ZMYND11: variants seen among roughly 807,000 people sequenced by gnomAD.
ZMYND11 encodes zinc finger MYND domain-containing protein 11.
In ZMYND11, 9 loss-of-function variants were observed where a neutral mutation model predicts 84.9. That is an observed-to-expected ratio of 0.11 (90% confidence interval 0.06 to 0.18). ZMYND11 has a LOEUF of 0.18. ZMYND11 is among the 10% of genes least tolerant of loss of function. The pLI is 1.00. For missense variants in ZMYND11, 409 were observed against 761.0 expected (o/e 0.54, Z 5.44); for synonymous variants, 250 against 244.1 (o/e 1.02, Z -0.23).
intron 1 of ZMYND11, among the ~76,000 whole-genome samples, chr10:160,826 G>A (rs1442124631): frequency 2.6e-5 from 4 of 152,022 alleles, no homozygotes; most frequent in African/African-American, 9.7e-5. Flanking sequence ...TCTAATTCTA[G>A]GGCTCCTCCC....
intron 1 of ZMYND11, among the ~76,000 whole-genome samples, chr10:177,314 T>G (rs1250234261): frequency 1.3e-5 from 2 of 152,182 alleles, no homozygotes; most frequent in Non-Finnish European, 2.9e-5. Context: ...TGGATTTGTC[T>G]TTCCCTGGCA....
chr10:214,047 G>T (rs1415158771), intron 3 of ZMYND11, among the ~76,000 whole-genome samples: 1 of 152,060 alleles, frequency 6.6e-6, no homozygotes, highest in African/African-American at 2.4e-5. Flanking sequence ...TGACCGCATG[G>T]TGCTGAGATT....
Position 245,480 on chromosome 10 carries a change from A to G in ZMYND11, c.951-1286A>G, listed in dbSNP as rs113351004. On this transcript the variant is annotated intron_variant, in intron 10 of 14. Transcript: ENST00000381604. ...AGGGATGAAAACTGTGATATCATATATACTTATAGCAGGAAAAAATCTTTA... is the reference window on the plus strand; with the variant it reads ...AGGGATGAAAACTGTGATATCATATGTACTTATAGCAGGAAAAAATCTTTA... Among the ~76,000 whole-genome samples the G allele has an allele frequency of 1.4e-3, 219 of 152,310 alleles. 2 individuals carry two copies. The highest frequency in any genetic ancestry group is 5.1e-3 in the African/African-American group (212 of 41,576).
At chr10:134,681 C>T (rs545704944), upstream of ZMYND11, 321 of 152,366 alleles carry the variant, frequency 2.1e-3, 3 homozygotes, top group African/African-American at 7.6e-3. Flanking sequence ...CCCCGCGAGC[C>T]AGGGGCAGGC....
At chr10:169,553 G>A (rs782387373) in intron 1 of ZMYND11, among the ~76,000 whole-genome samples, 21 of 152,096 alleles carry the variant, frequency 1.4e-4, no homozygotes, top group Non-Finnish European at 2.6e-4. Flanking sequence ...CAAAACATGG[G>A]CAACAAGAAT....
At chr10:206,450 TGA>T (rs1473370791) in intron 2 of ZMYND11, among the ~76,000 whole-genome samples, 1 of 152,258 alleles carries the variant, frequency 6.6e-6, no homozygotes, top group Admixed American at 6.5e-5. Flanking sequence ...TTTTGTGAAC[TGA>T]GAGAATTGAA....
chr10:187,532 G>A (rs897515505), intron 2 of ZMYND11, among the ~76,000 whole-genome samples: 1 of 151,974 alleles, frequency 6.6e-6, no homozygotes, highest in African/African-American at 2.4e-5. Flanking sequence ...TACTCGGGAG[G>A]CTGAGGCAGG....
chr10:190,445 A>G (rs1229133827), intron 2 of ZMYND11, among the ~76,000 whole-genome samples: 1 of 152,134 alleles, frequency 6.6e-6, no homozygotes, highest in Admixed American at 6.5e-5. Flanking sequence ...AGGCCCTCAG[A>G]TCTGCGTTTC....
At chr10:224,228 T>C (rs1947683606) in intron 4 of ZMYND11, among the ~76,000 whole-genome samples, 2 of 152,206 alleles carry the variant, frequency 1.3e-5, no homozygotes, top group Non-Finnish European at 1.5e-5. Context: ...CCAGATTTAA[T>C]TCAGCTCAAG....
At chr10:168,652 A>G (rs782136731) in intron 1 of ZMYND11, among the ~76,000 whole-genome samples, 7 of 152,174 alleles carry the variant, frequency 4.6e-5, no homozygotes, top group Non-Finnish European at 8.8e-5. Flanking sequence ...CCTAACAACA[A>G]GTAAAAAGCT....
chr10:226,731 C>T (rs769452954), intron 4 of ZMYND11, among the ~76,000 whole-genome samples: 2 of 152,030 alleles, frequency 1.3e-5, no homozygotes, highest in Non-Finnish European at 2.9e-5. Flanking sequence ...AATGGAATAC[C>T]GCTCCACTGA....
intron 4 of ZMYND11, among the ~76,000 whole-genome samples, chr10:222,439 G>A (rs1301487528): frequency 6.6e-6 from 1 of 152,120 alleles, no homozygotes; most frequent in Non-Finnish European, 1.5e-5. Context: ...AAATGCCTAG[G>A]TGCCAAATAA....
intron 4 of ZMYND11, 77 bp downstream of exon 4, chr10:221,433 G>A: frequency 1.3e-6 from 2 of 1,491,314 alleles, no homozygotes; most frequent in East Asian, 2.3e-5. Context: ...GATATCCCAG[G>A]TGGTCTTGCC....
upstream of ZMYND11, among the ~76,000 whole-genome samples, chr10:132,158 G>T (rs1192782407): frequency 6.6e-6 from 1 of 151,732 alleles, no homozygotes; most frequent in African/African-American, 2.4e-5. Context: ...TGAAATCAAA[G>T]AACATTGTAT....
intron 4 of ZMYND11, among the ~76,000 whole-genome samples, chr10:225,161 T>TG (rs538637165): frequency 3.4e-4 from 52 of 152,328 alleles, no homozygotes; most frequent in Non-Finnish European, 7.4e-5. Context: ...TGAACACCTT[T>TG]GGTAGGATAA....
At chr10:138,006 G>A (rs1197669685) in intron 1 of ZMYND11, among the ~76,000 whole-genome samples, 3 of 151,564 alleles carry the variant, frequency 2.0e-5, no homozygotes, top group South Asian at 2.1e-4. Context: ...TTTGTGAGGT[G>A]TTTAAATAAA....
chr10:138,022 A>G (rs1836538778), intron 1 of ZMYND11, among the ~76,000 whole-genome samples: 1 of 152,182 alleles, frequency 6.6e-6, no homozygotes, highest in Non-Finnish European at 1.5e-5. Flanking sequence ...ATAAATGTAC[A>G]TGTACGAGCT....
chr10:164,258 A>G (rs889754988), intron 1 of ZMYND11, among the ~76,000 whole-genome samples: 3 of 152,152 alleles, frequency 2.0e-5, no homozygotes, highest in East Asian at 1.9e-4. Flanking sequence ...TTCTTTCTCA[A>G]TTAACGGCTT....
intron 4 of ZMYND11, among the ~76,000 whole-genome samples, chr10:235,137 AATTTC>A (rs1949734001): frequency 6.6e-6 from 1 of 152,168 alleles, no homozygotes; most frequent in South Asian, 2.1e-4. Context: ...AAGTATATAT[AATTTC>A]ATTTTGTCAA....
Sources: gnomAD v4.1 joint callset for allele counts (sites outside exome capture counted in the v4.1 genomes callset) on GRCh38, gnomAD v4.1.1 for gene constraint, MANE v1.5 for transcripts, NCBI Gene and HGNC (gene_info 2026-07-23, HGNC 2026-07-21) for gene names.